Variants in RBL2 observed in about 807,000 individuals in gnomAD.
The protein encoded by RBL2 is RB transcriptional corepressor like 2.
A neutral mutation model predicts 126.0 loss-of-function variants in RBL2; 56 were observed. The observed-to-expected ratio is 0.44, with a 90% CI of 0.36 to 0.56. The LOEUF (loss-of-function observed/expected upper bound fraction) is 0.56, where lower values mean the gene tolerates loss of function less well. Ranked by LOEUF, RBL2 falls within the 20% of genes least tolerant of loss-of-function variation. RBL2 has a pLI of 0.00. For synonymous variants in RBL2, 454 were observed against 478.5 expected (o/e 0.95, Z 0.67); for missense variants, 1,229 against 1,398.2 (o/e 0.88, Z 1.93).
chr16:53,461,567 T>C (rs979185847), intron 9 of RBL2, among the ~76,000 whole-genome samples, 174 bp from the exon 10 acceptor site: 1 of 151,754 alleles, frequency 6.6e-6, no homozygotes, highest in African/African-American at 2.4e-5. Flanking sequence ...TTCAAACTGG[T>C]AATACCACCA....
At chr16:53,464,933 A>G (rs889890709) in intron 12 of RBL2, 1 of 152,646 alleles carries the variant, frequency 6.6e-6, no homozygotes, top group African/African-American at 2.4e-5. Flanking sequence ...AGCTGGGACT[A>G]CAGGCGGCCG....
intron 7 of RBL2, 136 bp from the exon 8 acceptor site, chr16:53,454,520 T>C (rs555303335): frequency 1.0e-5 from 8 of 798,316 alleles, no homozygotes; most frequent in Admixed American, 5.8e-5. Context: ...CCAGTTCTTA[T>C]AACTACAAGT....
chr16:53,453,500 C>T lies in RBL2; in HGVS notation c.815C>T (p.Pro272Leu), dbSNP rs751627270. The change falls in exon 6 of 22, where the codon CCC becomes CTC. Residue 272 changes from proline (P) to leucine (L), a missense_variant. This residue lies in a region of RBL2 where 1,070 missense variants were observed against 1,274.3 expected (regional missense o/e 0.84). Transcript: ENST00000262133. ...HAKDSKPSSDPPCIIEKLCSL... is the reference protein window; with the variant it reads ...HAKDSKPSSDLPCIIEKLCSL... ...AAAGATTCTAAACCTTCCTCTGACC[C>T]CCCTTGTATCATTGAGAAACTGTGT... is the stretch of plus-strand genomic sequence containing the variant. The T allele has an allele frequency of 3.1e-6, 5 of 1,613,170 alleles. No individual in the cohort carries two copies. The highest frequency in any genetic ancestry group is 1.3e-5 in the African/African-American group (1 of 74,982).
intron 21 of RBL2, among the ~76,000 whole-genome samples, chr16:53,482,188 C>T (rs553534704): frequency 5.3e-5 from 8 of 152,270 alleles, no homozygotes; most frequent in South Asian, 2.1e-4. Flanking sequence ...AGGCCTGTTT[C>T]TGGGACAGGC....
At chr16:53,481,458 T>A in intron 20 of RBL2, 1 of 474,836 alleles carries the variant, frequency 2.1e-6, no homozygotes, top group Non-Finnish European at 3.7e-6. Context: ...AATGACATAA[T>A]GTATAAAAAT....
intron 1 of RBL2, chr16:53,435,519 G>C: frequency 9.5e-6 from 11 of 1,155,854 alleles, no homozygotes; most frequent in Non-Finnish European, 1.2e-5. Context: ...TTCGGACAGG[G>C]CTTGCAGATG....
At chr16:53,466,932 A>G (rs2058278197) in intron 13 of RBL2, 126 bp from the exon 14 acceptor site, 1 of 727,116 alleles carries the variant, frequency 1.4e-6, no homozygotes, top group South Asian at 2.1e-5. Flanking sequence ...TTAAAATGGG[A>G]AAGACAGCTG....
At chr16:53,450,267 T>C (rs2153140589) in intron 4 of RBL2, among the ~76,000 whole-genome samples, 1 of 152,294 alleles carries the variant, frequency 6.6e-6, no homozygotes, top group Middle Eastern at 3.4e-3. Context: ...AAAAAAAGAA[T>C]TGCTTTGTAT....
intron 21 of RBL2, among the ~76,000 whole-genome samples, chr16:53,484,684 A>T (rs1464911873): frequency 6.6e-6 from 1 of 152,186 alleles, no homozygotes; most frequent in African/African-American, 2.4e-5. Context: ...GGTTGTGGGG[A>T]ATAGAGTTTC....
chr16:53,468,822 A>C (rs2058293890), intron 14 of RBL2, among the ~76,000 whole-genome samples: 1 of 152,224 alleles, frequency 6.6e-6, no homozygotes, highest in African/African-American at 2.4e-5. Flanking sequence ...AAGAAGGAAG[A>C]AATGCTTCTC....
At chr16:53,478,856 A>C in intron 17 of RBL2, 1 of 268,666 alleles carries the variant, frequency 3.7e-6, no homozygotes, top group Non-Finnish European at 7.0e-6. Context: ...TCGTGACTTC[A>C]AGTGATCCAC....
intron 14 of RBL2, 147 bp downstream of exon 14, chr16:53,467,316 G>A (rs1389072900): frequency 1.6e-6 from 1 of 626,364 alleles, no homozygotes; most frequent in Non-Finnish European, 2.8e-6. Flanking sequence ...TAAAAGAAGG[G>A]CCTTTAAAGA....
chr16:53,434,501 T>G lies in RBL2; in HGVS notation c.-56T>G. 7.5e-7 allele frequency: 1 copy of G among 1,335,182 alleles called. No individual in the cohort carries two copies. The allele number at this position is 1,335,182 out of a possible 1,614,324, so 82.7% of individuals were successfully genotyped here. A position where few individuals can be genotyped will look rare whatever the true frequency, so the allele number is the denominator to read the frequency against. The stretch of plus-strand genomic sequence containing the variant: ...ACGGGCGGGCGCTTCGCCGTTTGAA[T>G]GGCTGCGGGCCCGGGCCCTCACCTC... On this transcript the variant is annotated 5_prime_UTR_variant, in exon 1 of 22. An upstream start codon of the reference 5' UTR is lost. Coordinates refer to ENST00000262133, the MANE Select transcript of RBL2 (RefSeq NM_005611.4).
At chr16:53,472,920 G>A (rs1960577599) in intron 17 of RBL2, among the ~76,000 whole-genome samples, 1 of 152,116 alleles carries the variant, frequency 6.6e-6, no homozygotes, top group African/African-American at 2.4e-5. Context: ...TTATGTGGTT[G>A]TGCAGTTGTC....
chr16:53,453,527 C>T lies in RBL2; in HGVS notation c.842C>T (p.Ser281Phe). 2 of 1,612,916 alleles carry T rather than the reference C, an allele frequency of 1.2e-6. No individual in the cohort carries two copies. The highest frequency in any genetic ancestry group is 8.5e-7 in the Non-Finnish European group (1 of 1,179,152). The change falls in exon 6 of 22, where the codon TCC (serine) becomes TTC (phenylalanine). Residue 281 changes from serine (S) to phenylalanine (F), a missense_variant. Around this residue, in one of 2 missense-constraint regions of RBL2, gnomAD observed 1,070 missense variants for 1,274.3 expected, o/e 0.84. Coordinates refer to ENST00000262133, the MANE Select transcript of RBL2 (RefSeq NM_005611.4). ...DPPCIIEKLC[S>F]LHDGLVLEAK... is the part of the protein sequence containing the mutation. ...CCTTGTATCATTGAGAAACTGTGTT[C>T]CTTACATGATGGCCTAGTTTTGGAA...
chr16:53,490,199 G>C lies in RBL2; in HGVS notation c.3319G>C (p.Glu1107Gln), dbSNP rs201790591. 3 of 1,612,234 alleles carry C rather than the reference G, an allele frequency of 1.9e-6. No homozygotes were observed. The Admixed American group carries it at 5.0e-5, about 27-fold the overall frequency. Residue 1107 changes from glutamate to glutamine, a missense_variant, in exon 22 of 22, where the codon GAA becomes CAA. Physicochemically the swap from Glu to Gln is conservative, Grantham distance 29. Transcript: ENST00000262133. ...TACTAAAAAGAGAGGAATTCTTTTG[G>C]AAGATGGAAGTGAATCACCTGCAAA... Reference protein sequence around the residue: ...TPTKKRGILLEDGSESPAKRI... With the variant: ...TPTKKRGILLQDGSESPAKRI...
intron 3 of RBL2, chr16:53,443,179 G>T (rs1479936141): frequency 6.2e-6 from 1 of 162,488 alleles, no homozygotes; most frequent in African/African-American, 2.4e-5. Context: ...AAAAAATGCA[G>T]ACTGTACAAG....
chr16:53,459,538 A>G lies in RBL2; in HGVS notation c.1267A>G (p.Thr423Ala). The change falls in exon 9 of 22, where the codon ACG becomes GCG. Residue 423 changes from threonine to alanine, a missense_variant. Coordinates refer to ENST00000262133, the MANE Select transcript of RBL2 (RefSeq NM_005611.4). ...TTGTGTGACTCCAGTTTCTACAGCT[A>G]CGCATAGCTTGAGTCGTCTTCACAC... ...SPCVTPVSTA[T>A]HSLSRLHTML... 1.2e-6 allele frequency: 2 copies of G among 1,611,132 alleles called. No homozygotes were observed. Among genetic ancestry groups the G allele is most frequent in the Non-Finnish European group, 1.7e-6 (2 of 1,179,074 alleles).
At chr16:53,485,122 C>T (rs1367556699) in intron 21 of RBL2, among the ~76,000 whole-genome samples, 1 of 152,108 alleles carries the variant, frequency 6.6e-6, no homozygotes, top group Non-Finnish European at 1.5e-5. Context: ...ATAGAACACT[C>T]TCTAACAAAT....
Sources: allele counts gnomAD v4.1 joint callset (sites outside exome capture counted in the v4.1 genomes callset), GRCh38; gene constraint gnomAD v4.1.1; regional missense constraint gnomAD v4.1.1; transcripts MANE v1.5; gene names NCBI Gene and HGNC (gene_info 2026-07-23, HGNC 2026-07-21).